SLC9A9: variants seen among roughly 807,000 people sequenced by gnomAD.
SLC9A9 encodes solute carrier family 9 member A9, also known as sodium/hydrogen exchanger 9.
SLC9A9 carries 62 observed loss-of-function variants against 77.8 expected under a neutral mutation model. The ratio of observed to expected loss-of-function variants is 0.80; its 90% CI spans 0.65 to 0.98. The LOEUF is 0.98. Among genes scored for constraint, SLC9A9 ranks in the 50% least tolerant of loss-of-function variants. The pLI is 0.00. For synonymous variants in SLC9A9, 320 were observed against 283.5 expected (o/e 1.13, Z -1.29); for missense variants, 775 against 774.9 (o/e 1.00, Z 0.00).
At chr3:143,735,077 AG>A (rs1934905430) in intron 4 of SLC9A9, among the ~76,000 whole-genome samples, 1 of 152,242 alleles carries the variant, frequency 6.6e-6, no homozygotes, top group South Asian at 2.1e-4. Context: ...TCTGGGACAC[AG>A]AATGCAATCC....
At chr3:143,807,583 A>G (rs2008755394) in intron 2 of SLC9A9, among the ~76,000 whole-genome samples, 1 of 152,168 alleles carries the variant, frequency 6.6e-6, no homozygotes, top group African/African-American at 2.4e-5. Context: ...CGTTTCTACT[A>G]AAAATACAAA....
At chr3:143,695,792 C>T (rs1384772100) in intron 4 of SLC9A9, among the ~76,000 whole-genome samples, 1 of 151,938 alleles carries the variant, frequency 6.6e-6, no homozygotes, top group Non-Finnish European at 1.5e-5. Flanking sequence ...ATTTACACTC[C>T]CATTAACAGT....
intron 12 of SLC9A9, among the ~76,000 whole-genome samples, chr3:143,456,568 C>CTTTT (rs71140437): frequency 1.4e-5 from 2 of 142,614 alleles, no homozygotes; most frequent in Non-Finnish European, 1.5e-5. Context: ...TTCTTTCTTT[C>CTTTT]TTTTTTTTTT....
intron 8 of SLC9A9, among the ~76,000 whole-genome samples, chr3:143,567,339 G>T (rs147036633): frequency 2.0e-5 from 3 of 152,228 alleles, no homozygotes; most frequent in Non-Finnish European, 4.4e-5. Flanking sequence ...GATTTTGTAA[G>T]TATGGCAGAC....
intron 14 of SLC9A9, among the ~76,000 whole-genome samples, chr3:143,353,760 CT>C (rs1049393687): frequency 1.3e-5 from 2 of 152,056 alleles, no homozygotes; most frequent in African/African-American, 4.8e-5. Flanking sequence ...AGGCAGAAGA[CT>C]TTTTTCCCCT....
At chr3:143,650,781 G>A (rs1309115107) in intron 6 of SLC9A9, among the ~76,000 whole-genome samples, 1 of 152,148 alleles carries the variant, frequency 6.6e-6, no homozygotes, top group Non-Finnish European at 1.5e-5. Context: ...TGAAGACATG[G>A]GTAGAGAGGT....
At chr3:143,542,130 T>C (rs574001475) in intron 9 of SLC9A9, among the ~76,000 whole-genome samples, 1 of 152,242 alleles carries the variant, frequency 6.6e-6, no homozygotes, top group Non-Finnish European at 1.5e-5. Flanking sequence ...GGAGCTCCAC[T>C]ATCATTAGCA....
intron 9 of SLC9A9, chr3:143,504,393 T>C (rs2035975826): frequency 6.4e-6 from 1 of 157,198 alleles, no homozygotes; most frequent in Non-Finnish European, 1.4e-5. Flanking sequence ...TTAGGAAATG[T>C]GTTTGAGGGG....
chr3:143,724,134 A>T (rs1934577331), intron 4 of SLC9A9, among the ~76,000 whole-genome samples: 3 of 152,142 alleles, frequency 2.0e-5, no homozygotes, highest in Admixed American at 1.3e-4. Context: ...TTGAATTGTA[A>T]TTCCCAATGT....
chr3:143,495,388 G>C lies in SLC9A9; in HGVS notation c.1150C>G (p.Leu384Val). The change falls in exon 10 of 16, where the codon CTG (leucine) becomes GTG (valine). Residue 384 changes from leucine (L) to valine (V), a missense_variant. Leu to Val is a conservative substitution (Grantham distance 32). Transcript: ENST00000316549. ...NVIFCYMGLA[L>V]FTFQNHIFNA... Reference sequence around the variant, plus strand: ...AAGATATGATTCTGGAACGTGAACAGTGCCAGGCCCATGTAACAGAAGATG... The same window carrying C: ...AAGATATGATTCTGGAACGTGAACACTGCCAGGCCCATGTAACAGAAGATG... 6.2e-7 allele frequency: 1 copy of C among 1,614,166 alleles called. No individual in the cohort carries two copies. The highest frequency in any genetic ancestry group is 8.5e-7 in the Non-Finnish European group (1 of 1,180,000).
intron 4 of SLC9A9, among the ~76,000 whole-genome samples, chr3:143,793,784 C>T (rs2008290715): frequency 6.6e-6 from 1 of 152,114 alleles, no homozygotes; most frequent in South Asian, 2.1e-4. Flanking sequence ...CTCTCAGGCC[C>T]CTGCAAAGTT....
intron 7 of SLC9A9, among the ~76,000 whole-genome samples, chr3:143,577,007 A>G (rs576104199): frequency 5.6e-4 from 85 of 152,294 alleles, no homozygotes; most frequent in Admixed American, 2.7e-3. Context: ...CCTTTTAAAT[A>G]TCAGTCCCCT....
intron 5 of SLC9A9, among the ~76,000 whole-genome samples, chr3:143,656,171 G>T (rs1413107240): frequency 6.6e-6 from 1 of 152,176 alleles, no homozygotes; most frequent in Non-Finnish European, 1.5e-5. Flanking sequence ...TATCTTGGAG[G>T]CAGGTAATGC....
At chr3:143,366,394 A>G (rs2032902609) in intron 13 of SLC9A9, among the ~76,000 whole-genome samples, 1 of 152,232 alleles carries the variant, frequency 6.6e-6, no homozygotes, top group East Asian at 1.9e-4. Context: ...CTAGAAGGTA[A>G]CAATTGGAAT....
chr3:143,348,999 G>A (rs1667465812), intron 14 of SLC9A9, among the ~76,000 whole-genome samples: 1 of 152,184 alleles, frequency 6.6e-6, no homozygotes, highest in African/African-American at 2.4e-5. Context: ...ACTGCATGTT[G>A]AGATTCCCAA....
chr3:143,372,679 G>T (rs910576216), intron 13 of SLC9A9, among the ~76,000 whole-genome samples: 5 of 152,076 alleles, frequency 3.3e-5, no homozygotes, highest in Admixed American at 2.6e-4. Flanking sequence ...GCAAACTACA[G>T]AATGGGATAA....
chr3:143,831,928 T>A, intron 2 of SLC9A9, 91 bp downstream of exon 2: 2 of 1,151,070 alleles, frequency 1.7e-6, no homozygotes, highest in South Asian at 2.7e-5. Context: ...TATGTGTGTG[T>A]GAATGCATTA....
intron 6 of SLC9A9, among the ~76,000 whole-genome samples, chr3:143,642,465 C>G (rs1303950704): frequency 6.6e-6 from 1 of 152,196 alleles, no homozygotes; most frequent in African/African-American, 2.4e-5. Context: ...TCACAAATCT[C>G]TGTTGCTCAA....
At chr3:143,611,344 A>T (rs1193056778) in intron 6 of SLC9A9, among the ~76,000 whole-genome samples, 1 of 152,188 alleles carries the variant, frequency 6.6e-6, no homozygotes, top group Non-Finnish European at 1.5e-5. Context: ...AAGAGAAGAG[A>T]GAAAAGATGA....
Sources: allele counts gnomAD v4.1 joint callset (sites outside exome capture counted in the v4.1 genomes callset), GRCh38; gene constraint gnomAD v4.1.1; transcripts MANE v1.5; gene names NCBI Gene and HGNC (gene_info 2026-07-23, HGNC 2026-07-21).